Variants in TM9SF4 observed in about 807,000 individuals in gnomAD.
The protein encoded by TM9SF4 is transmembrane 9 superfamily member 4.
Under a neutral mutation model 90.4 loss-of-function variants are expected in TM9SF4, and 26 were observed. The ratio of observed to expected loss-of-function variants is 0.29; its 90% CI spans 0.21 to 0.40. TM9SF4 has a LOEUF of 0.40. Ranked by LOEUF, TM9SF4 falls within the 10% of genes least tolerant of loss-of-function variation. The pLI is 1.00. For synonymous variants in TM9SF4, 293 were observed against 315.4 expected, an observed-to-expected ratio of 0.93 and a Z score of 0.75; for missense variants, 549 against 834.8, an observed-to-expected ratio of 0.66 and a Z score of 4.22.
chr20:32,143,785 C>G (rs1456412614), intron 6 of TM9SF4, among the ~76,000 whole-genome samples: 1 of 151,720 alleles, frequency 6.6e-6, no homozygotes, highest in Non-Finnish European at 1.5e-5. Context: ...ACACAGAAGT[C>G]CCAAACATAG....
At chr20:32,143,844 G>A (rs940479600) in intron 6 of TM9SF4, among the ~76,000 whole-genome samples, 7 of 151,994 alleles carry the variant, frequency 4.6e-5, no homozygotes, top group Non-Finnish European at 7.4e-5. Context: ...GGAGCTTCCC[G>A]AGCGCAGTTC....
At chr20:32,137,484 T>C (rs1225315466) in intron 3 of TM9SF4, among the ~76,000 whole-genome samples, 1 of 152,208 alleles carries the variant, frequency 6.6e-6, no homozygotes, top group Non-Finnish European at 1.5e-5. Flanking sequence ...GAAATGGAGA[T>C]TTCTGTATAC....
intron 3 of TM9SF4, among the ~76,000 whole-genome samples, chr20:32,139,126 T>C (rs1411157708): frequency 6.6e-6 from 1 of 152,186 alleles, no homozygotes; most frequent in Non-Finnish European, 1.5e-5. Flanking sequence ...TCCTCCACAC[T>C]GAAAGCATTG....
At chr20:32,165,197 C>T (rs902842828) in intron 17 of TM9SF4, 98 bp from the exon 18 acceptor site, 3 of 1,541,440 alleles carry the variant, frequency 1.9e-6, no homozygotes, top group Non-Finnish European at 2.7e-6. Context: ...CTGGCCAGGC[C>T]TCAGTTTCCC....
chr20:32,141,217 A>AG (rs1569080334), intron 3 of TM9SF4, among the ~76,000 whole-genome samples: 3 of 103,612 alleles, frequency 2.9e-5, no homozygotes, highest in Non-Finnish European at 6.0e-5. Context: ...ACTCCATCTC[A>AG]AAAAAAAAAA....
chr20:32,149,542 A>C (rs974697520), intron 9 of TM9SF4, 92 bp from the exon 10 acceptor site: 176 of 1,565,946 alleles, frequency 1.1e-4, no homozygotes, highest in Admixed American at 1.6e-4. Context: ...GCTGGTTGGC[A>C]CCTGAGGGTG....
intron 12 of TM9SF4, among the ~76,000 whole-genome samples, chr20:32,154,346 G>GCC (rs1437125822): frequency 1.3e-5 from 2 of 151,708 alleles, no homozygotes; most frequent in East Asian, 3.9e-4. Flanking sequence ...TCACCATGTT[G>GCC]CCCAGGCTGG....
intron 8 of TM9SF4, among the ~76,000 whole-genome samples, chr20:32,146,506 C>G (rs1050187415): frequency 6.6e-6 from 1 of 152,124 alleles, no homozygotes; most frequent in Non-Finnish European, 1.5e-5. Flanking sequence ...TCAGTAGGAC[C>G]AAGCGATGGA....
At chr20:32,132,170 G>A (rs902072857) in intron 1 of TM9SF4, among the ~76,000 whole-genome samples, 5 of 152,120 alleles carry the variant, frequency 3.3e-5, no homozygotes, top group Non-Finnish European at 5.9e-5. Flanking sequence ...TTGGGAGGCC[G>A]AGGTGGGCAG....
chr20:32,157,678 T>C, intron 13 of TM9SF4, 116 bp from the exon 14 acceptor site: 2 of 1,347,986 alleles, frequency 1.5e-6, no homozygotes, highest in Non-Finnish European at 2.0e-6. Flanking sequence ...GGGAGTGTGC[T>C]TCTGCTGCAC....
At chr20:32,143,148 C>A in intron 6 of TM9SF4, 43 bp downstream of exon 6, 1 of 1,603,030 alleles carries the variant, frequency 6.2e-7, no homozygotes, top group Non-Finnish European at 8.5e-7. Flanking sequence ...CTGGATGGGC[C>A]TGGGCTTCTC....
chr20:32,122,599 C>T (rs1249339763), intron 1 of TM9SF4, among the ~76,000 whole-genome samples: 3 of 146,884 alleles, frequency 2.0e-5, no homozygotes, highest in African/African-American at 7.6e-5. Flanking sequence ...CTCCTCACTT[C>T]CTAGATGTGA....
chr20:32,130,166 T>A (rs1030897912), intron 1 of TM9SF4, among the ~76,000 whole-genome samples: 2 of 152,266 alleles, frequency 1.3e-5, no homozygotes, highest in Non-Finnish European at 2.9e-5. Flanking sequence ...GTTGAACTTC[T>A]GAATTGCTTT....
rs763778560 is a variant in TM9SF4, at chr20:32,150,821, T to G, written c.1191T>G (p.Ala397=). ...ACAGGGTGTTTGGCGGATTTTCTGC[T>G]GGCCGTCTGTACCGCACTTTAAAAG... ...MFMGVFGGFS[A]GRLYRTLKGH... Residue 397 remains alanine, a synonymous_variant, in exon 12 of 18, where the codon GCT becomes GCG. Coordinates refer to ENST00000398022, the MANE Select transcript of TM9SF4 (RefSeq NM_014742.4). 1.1e-5 allele frequency: 17 copies of G among 1,614,122 alleles called. No homozygotes were observed. The South Asian group carries it at 1.9e-4, about 18-fold the overall frequency.
intron 3 of TM9SF4, among the ~76,000 whole-genome samples, chr20:32,139,210 C>T (rs908858599): frequency 6.6e-5 from 10 of 152,252 alleles, no homozygotes; most frequent in African/African-American, 2.4e-4. Context: ...CTGCCATTTA[C>T]CATCTGTGGG....
intron 17 of TM9SF4, among the ~76,000 whole-genome samples, chr20:32,163,853 C>T (rs1315129442): frequency 1.3e-5 from 2 of 152,004 alleles, no homozygotes; most frequent in Admixed American, 6.6e-5. Context: ...TCATGTGATC[C>T]GTCTGCCTCA....
In TM9SF4 at chr20:32,109,754, T is replaced by C. The variant is rs1430347188; in HGVS notation, c.14T>C (p.Met5Thr). Residue 5 changes from methionine (M) to threonine (T), a missense_variant and splice_region_variant, in exon 1 of 18, where the codon ATG becomes ACG. Met to Thr is a moderately conservative substitution (Grantham distance 81, BLOSUM62 -1). Around this residue, in one of 2 missense-constraint regions of TM9SF4, gnomAD observed 495 missense variants for 711.7 expected, o/e 0.70. Coordinates refer to ENST00000398022, the MANE Select transcript of TM9SF4 (RefSeq NM_014742.4). MATA[M>T]DWLPWSLLLF... ...CGTGGATCCAAGATGGCGACGGCGA[T>C]GGTGAGTGAAGGAGACTCCGGGAGC... is the stretch of plus-strand genomic sequence containing the variant. 8 of 1,551,496 alleles carry C rather than the reference T, an allele frequency of 5.2e-6. No individual in the cohort carries two copies. Among genetic ancestry groups the C allele is most frequent in the South Asian group, 2.4e-5 (2 of 84,068 alleles).
intron 13 of TM9SF4, among the ~76,000 whole-genome samples, chr20:32,157,336 T>C (rs1392714495): frequency 6.6e-6 from 1 of 152,254 alleles, no homozygotes; most frequent in Non-Finnish European, 1.5e-5. Context: ...GTTGTGTTTT[T>C]ATTAAAATGG....
At chr20:32,137,871 A>C (rs557631011) in intron 3 of TM9SF4, among the ~76,000 whole-genome samples, 1 of 152,174 alleles carries the variant, frequency 6.6e-6, no homozygotes, top group African/African-American at 2.4e-5. Flanking sequence ...TCTCCTTATT[A>C]TAAATAAGGG....
Sources: gnomAD v4.1 joint callset for allele counts (sites outside exome capture counted in the v4.1 genomes callset) on GRCh38, gnomAD v4.1.1 for gene constraint, gnomAD v4.1.1 regional missense constraint, MANE v1.5 for transcripts, NCBI Gene and HGNC (gene_info 2026-07-23, HGNC 2026-07-21) for gene names.